DNAH11: variants seen among roughly 807,000 people sequenced by gnomAD.
The protein encoded by DNAH11 is axonemal beta dynein heavy chain 11.
DNAH11 carries 442 observed loss-of-function variants against 526.0 expected under a neutral mutation model. That is an observed-to-expected ratio of 0.84 (90% confidence interval 0.78 to 0.91). The LOEUF (loss-of-function observed/expected upper bound fraction) is 0.91, where lower values mean the gene tolerates loss of function less well. Among genes scored for constraint, DNAH11 ranks in the 40% least tolerant of loss-of-function variants. DNAH11 has a pLI of 0.00. For synonymous variants in DNAH11, 2,461 were observed against 1,935.9 expected (o/e 1.27, Z -7.12); for missense variants, 6,989 against 5,448.7 (o/e 1.28, Z -8.90).
chr7:21,855,716 G>A (rs1013845825), intron 68 of DNAH11, among the ~76,000 whole-genome samples: 10 of 152,098 alleles, frequency 6.6e-5, no homozygotes, highest in South Asian at 4.1e-4. Flanking sequence ...CTGTTCATCC[G>A]TTTTTAGACA....
At chr7:21,715,446 A>T (rs1020204753) in intron 42 of DNAH11, among the ~76,000 whole-genome samples, 16 of 152,218 alleles carry the variant, frequency 1.1e-4, no homozygotes, top group African/African-American at 3.6e-4. Context: ...AAGATGATAC[A>T]TTGGGGCATT....
intron 79 of DNAH11, among the ~76,000 whole-genome samples, 171 bp downstream of exon 79, chr7:21,895,170 A>G (rs1364187882): frequency 6.6e-6 from 1 of 152,242 alleles, no homozygotes; most frequent in African/African-American, 2.4e-5. Context: ...GGTATATTGC[A>G]TCAAAGGCAA....
At chr7:21,565,884 C>A (rs1783647312) in intron 6 of DNAH11, among the ~76,000 whole-genome samples, 1 of 152,138 alleles carries the variant, frequency 6.6e-6, no homozygotes, top group South Asian at 2.1e-4. Context: ...CAGGTCGATT[C>A]CTTGCTATAT....
intron 79 of DNAH11, among the ~76,000 whole-genome samples, chr7:21,897,577 A>AT (rs1784567113): frequency 6.6e-6 from 1 of 152,050 alleles, no homozygotes; most frequent in Non-Finnish European, 1.5e-5. Flanking sequence ...CCTTGATTGT[A>AT]TAGATTCAAA....
chr7:21,842,681 A>G lies in DNAH11; in HGVS notation c.10829A>G (p.Asp3610Gly), dbSNP rs373667589. 6.2e-6 allele frequency: 10 copies of G among 1,613,770 alleles called. No homozygotes were observed. Among genetic ancestry groups the G allele is most frequent in the Non-Finnish European group, 7.6e-6 (9 of 1,179,836 alleles). Residue 3610 changes from aspartate to glycine, a missense_variant, in exon 66 of 82, where the codon GAT (aspartate) becomes GGT (glycine). Coordinates refer to ENST00000409508, the MANE Select transcript of DNAH11 (RefSeq NM_001277115.2). ...TTLLNFTVTE[D>G]GLEAQLLAEV... is the part of the protein sequence containing the mutation. The stretch of plus-strand genomic sequence containing the variant: ...CTCCTCAATTTCACAGTCACAGAAG[A>G]TGGTCTAGAAGCCCAGCTGCTGGCA...
intron 44 of DNAH11, among the ~76,000 whole-genome samples, chr7:21,721,174 T>G (rs1413042436): frequency 1.3e-5 from 2 of 152,184 alleles, no homozygotes. Context: ...GAGACAGATC[T>G]CCTCCTCTGC....
intron 28 of DNAH11, among the ~76,000 whole-genome samples, chr7:21,640,554 A>T (rs1352637936): frequency 6.6e-6 from 1 of 150,382 alleles, no homozygotes; most frequent in African/African-American, 2.5e-5. Flanking sequence ...CACTTATGTG[A>T]CTGGTTTATT....
chr7:21,665,277 A>G (rs1336591251), intron 30 of DNAH11, among the ~76,000 whole-genome samples: 2 of 152,118 alleles, frequency 1.3e-5, no homozygotes, highest in Non-Finnish European at 2.9e-5. Flanking sequence ...CATTTAATAT[A>G]TTGCAAGACC....
chr7:21,901,196 G>A lies in DNAH11; in HGVS notation c.13493G>A (p.Ser4498Asn), dbSNP rs768980645. The change falls in exon 82 of 82, where the codon AGC becomes AAC. Residue 4498 changes from serine (S) to asparagine (N), a missense_variant. Coordinates refer to ENST00000409508, the MANE Select transcript of DNAH11 (RefSeq NM_001277115.2). ...PSYIWTFRLK[S>N]EEKTAKWVLA... ...TACATCTGGACCTTCAGGCTGAAGA[G>A]CGAAGAGAAGACTGCAAAATGGGTT... is the stretch of plus-strand genomic sequence containing the variant. The A allele has an allele frequency of 5.0e-6, 8 of 1,613,946 alleles. No homozygotes were observed. The highest frequency in any genetic ancestry group is 2.5e-6 in the Non-Finnish European group (3 of 1,179,836).
chr7:21,579,235 T>G (rs1583498169), intron 8 of DNAH11, among the ~76,000 whole-genome samples: 1 of 152,336 alleles, frequency 6.6e-6, no homozygotes, highest in African/African-American at 2.4e-5. Flanking sequence ...TACAGCAACA[T>G]TTTTATAATG....
chr7:21,812,854 T>A (rs1012707425), intron 63 of DNAH11, among the ~76,000 whole-genome samples: 2 of 152,156 alleles, frequency 1.3e-5, no homozygotes, highest in African/African-American at 4.8e-5. Context: ...GCCAGGCCTG[T>A]TGGCAGCTTT....
chr7:21,728,160 A>T (rs899962933), intron 45 of DNAH11, among the ~76,000 whole-genome samples: 2 of 151,112 alleles, frequency 1.3e-5, no homozygotes, highest in African/African-American at 4.9e-5. Context: ...GCCTGTAACA[A>T]TGTGCCGCCT....
chr7:21,717,784 C>T lies in DNAH11; in HGVS notation c.6993C>T (p.Ala2331=), dbSNP rs1199968157. 1.9e-6 allele frequency: 3 copies of T among 1,613,580 alleles called. No homozygotes were observed. The highest frequency in any genetic ancestry group is 1.7e-6 in the Non-Finnish European group (2 of 1,179,768). Residue 2331 remains alanine (A), a synonymous_variant, in exon 43 of 82, where the codon GCC becomes GCT. Transcript: ENST00000409508. ...PQDLGWNPYV[A]SWIDRRRHQS... is the part of the protein sequence containing the mutation. ...CTGTGTTCCTTTTCAGGTATGTGGC[C>T]AGTTGGATAGACAGAAGGCGGCATC...
intron 74 of DNAH11, among the ~76,000 whole-genome samples, chr7:21,878,480 AT>A (rs1304767874): frequency 1.3e-5 from 2 of 152,008 alleles, no homozygotes; most frequent in African/African-American, 4.8e-5. Flanking sequence ...TTAAAAGTAA[AT>A]TTTTTTTATA....
chr7:21,892,288 A>T lies in DNAH11; in HGVS notation c.12508-137A>T, dbSNP rs1359814066. 8 of 1,262,916 alleles carry T rather than the reference A, an allele frequency of 6.3e-6. No homozygotes were observed. The East Asian group carries it at 7.0e-5, about 11-fold the overall frequency. 78.2% of individuals were successfully genotyped at this position (1,262,916 alleles called of 1,614,324 possible). On this transcript the variant is annotated intron_variant, in intron 76 of 81. Transcript: ENST00000409508. ...CATATAGAGCAAAATTGTTGATTATAAAACAGTTTAGGGAGCCTGCTACCC... is the reference window on the plus strand; with the variant it reads ...CATATAGAGCAAAATTGTTGATTATTAAACAGTTTAGGGAGCCTGCTACCC...
At chr7:21,604,889 A>C (rs916033377) in intron 18 of DNAH11, among the ~76,000 whole-genome samples, 2 of 152,180 alleles carry the variant, frequency 1.3e-5, no homozygotes, top group Non-Finnish European at 2.9e-5. Context: ...CAGAGGGCGG[A>C]TGCAGAGTTT....
rs1787400438 is a variant in DNAH11, at chr7:21,647,349, CAAACATA to C, written c.4944+8286_4944+8292del. ...TAAAGCCATATTTTATACAAATGAACAAACATAAGGATGACAACAGACTTCACATTGG... is the reference window on the plus strand; with the variant it reads ...TAAAGCCATATTTTATACAAATGAACAGGATGACAACAGACTTCACATTGG... On this transcript the variant is annotated intron_variant, in intron 28 of 81. Coordinates refer to ENST00000409508, the MANE Select transcript of DNAH11 (RefSeq NM_001277115.2). Among the ~76,000 whole-genome samples, 2 of 149,942 alleles carry C rather than the reference CAAACATA, an allele frequency of 1.3e-5. 1 individual carries two copies. The highest frequency in any genetic ancestry group is 1.3e-4 in the Admixed American group (2 of 15,036).
intron 65 of DNAH11, 89 bp downstream of exon 65, chr7:21,818,428 G>A (rs1324582184): frequency 7.1e-7 from 1 of 1,416,562 alleles, no homozygotes; most frequent in African/African-American, 1.5e-5. Flanking sequence ...GCAGTCTATT[G>A]AAATCTTAGT....
intron 61 of DNAH11, among the ~76,000 whole-genome samples, chr7:21,793,971 A>G (rs76329448): frequency 0.052 from 7,937 of 151,360 alleles, 334 homozygotes; most frequent in East Asian, 0.25. Context: ...TCCTTTTTTC[A>G]CCTCTGTGTA....
Sources: gnomAD v4.1 joint callset for allele counts (sites outside exome capture counted in the v4.1 genomes callset) on GRCh38, gnomAD v4.1.1 for gene constraint, MANE v1.5 for transcripts, NCBI Gene and HGNC (gene_info 2026-07-23, HGNC 2026-07-21) for gene names.